SASH1: variants seen among roughly 807,000 people sequenced by gnomAD.
SASH1 encodes the protein SAM and SH3 domain containing 1, also known as SAM and SH3 domain-containing protein 1.
A neutral mutation model predicts 125.2 loss-of-function variants in SASH1; 44 were observed. The observed-to-expected ratio is 0.35, with a 90% CI of 0.28 to 0.45. SASH1 has a LOEUF of 0.45. SASH1 is among the 20% of genes least tolerant of loss of function. The pLI is 1.00. For missense variants in SASH1, 1,426 were observed against 1,614.5 expected, an observed-to-expected ratio of 0.88 and a Z score of 2.00; for synonymous variants, 639 against 649.1, an observed-to-expected ratio of 0.98 and a Z score of 0.24.
chr6:148,255,100 C>A, the SASH1 span, among the ~76,000 whole-genome samples: 1 of 152,120 alleles, frequency 6.6e-6, no homozygotes, highest in Non-Finnish European at 1.5e-5. Context: ...TGAAAGACGC[C>A]AGACACAAAG....
At chr6:148,516,490 GCCCCCTCCCCCCTC>G (rs11279804) in intron 9 of SASH1, among the ~76,000 whole-genome samples, 2 of 114,272 alleles carry the variant, frequency 1.8e-5, no homozygotes, top group Non-Finnish European at 3.9e-5. Context: ...GCCAGTAGGC[GCCCCCTCCCCCCTC>G]CCCCCTCCCC....
At position 148,390,207 on chromosome 6, in the gene SASH1, T is replaced by C. The variant is rs1248647731; in HGVS notation, c.230T>C (p.Val77Ala). ...TATTACAACACCTGTTTCTCCGACG[T>C]GTGCGAGAGGATGGAGGAGCTGCGG... ...ADYYNTCFSDVCERMEELRKR... is the reference protein window; with the variant it reads ...ADYYNTCFSDACERMEELRKR... Residue 77 changes from valine to alanine, a missense_variant, in exon 2 of 20, where the codon GTG becomes GCG. This residue lies in a region of SASH1 where 567 missense variants were observed against 575.6 expected (regional missense o/e 0.99). Transcript: ENST00000367467. 2 of 1,613,186 alleles carry C rather than the reference T, an allele frequency of 1.2e-6. No individual in the cohort carries two copies. Among genetic ancestry groups the C allele is most frequent in the East Asian group, 2.2e-5 (1 of 44,868 alleles).
chr6:148,492,618 G>C (rs931136857), intron 8 of SASH1, among the ~76,000 whole-genome samples: 33 of 152,184 alleles, frequency 2.2e-4, no homozygotes, highest in African/African-American at 7.9e-4. Flanking sequence ...AGGAGTTCAA[G>C]ACCATCCAGG....
chr6:148,493,868 G>A (rs73015010), intron 8 of SASH1, among the ~76,000 whole-genome samples: 3,567 of 152,278 alleles, frequency 0.023, 51 homozygotes, highest in Middle Eastern at 0.037. Flanking sequence ...AGCTTAGCTC[G>A]ATTTCTTATT....
chr6:148,537,798 G>GTA (rs1781946283), intron 16 of SASH1, among the ~76,000 whole-genome samples: 1 of 119,854 alleles, frequency 8.3e-6, no homozygotes, highest in African/African-American at 3.5e-5. Context: ...GTGTGTGTGT[G>GTA]TGTGTGTGTG....
At chr6:148,304,963 G>A (rs1200395313) in intron 1 of SASH1, among the ~76,000 whole-genome samples, 4 of 150,990 alleles carry the variant, frequency 2.6e-5, no homozygotes, top group African/African-American at 9.7e-5. Flanking sequence ...CCCAGGAGGT[G>A]GAGGTTGCAG....
At chr6:148,379,325 G>A (rs953627253) in intron 1 of SASH1, among the ~76,000 whole-genome samples, 5 of 152,140 alleles carry the variant, frequency 3.3e-5, no homozygotes, top group Admixed American at 1.3e-4. Context: ...TGGACTCAGA[G>A]GAATTACATT....
the SASH1 span, among the ~76,000 whole-genome samples, chr6:148,212,083 A>T: frequency 1.3e-5 from 2 of 152,270 alleles, no homozygotes; most frequent in South Asian, 4.2e-4. Flanking sequence ...AGACACTTTG[A>T]TAGCTCCCCG....
At chr6:148,375,208 T>C (rs2114761956) in intron 1 of SASH1, among the ~76,000 whole-genome samples, 1 of 147,968 alleles carries the variant, frequency 6.8e-6, no homozygotes, top group African/African-American at 2.5e-5. Context: ...CCCAGGCTGG[T>C]CTCGAACTCC....
intron 2 of SASH1, among the ~76,000 whole-genome samples, chr6:148,436,289 G>C (rs372398975): frequency 6.6e-6 from 1 of 152,050 alleles, no homozygotes; most frequent in Non-Finnish European, 1.5e-5. Context: ...CCAGGAGTTC[G>C]AGACCAGCCT....
At chr6:148,502,545 G>C (rs767536840) in intron 8 of SASH1, among the ~76,000 whole-genome samples, 5 of 152,200 alleles carry the variant, frequency 3.3e-5, no homozygotes, top group Non-Finnish European at 7.3e-5. Context: ...TCAGTGCAGT[G>C]CCCCTGAGGT....
At chr6:148,399,618 A>C (rs1784095985) in intron 2 of SASH1, among the ~76,000 whole-genome samples, 1 of 152,212 alleles carries the variant, frequency 6.6e-6, no homozygotes, top group African/African-American at 2.4e-5. Context: ...ATACTACTTC[A>C]ATACTAGTAC....
chr6:148,398,712 A>G (rs556514900), intron 2 of SASH1, among the ~76,000 whole-genome samples: 1 of 152,100 alleles, frequency 6.6e-6, no homozygotes, highest in African/African-American at 2.4e-5. Flanking sequence ...CTTCACTTAC[A>G]TTATTTGCTA....
At position 148,319,022 on chromosome 6, in the gene SASH1, CTTTTTTTTTTTTTTTT is replaced by C. The variant is rs10695657; in HGVS notation, n.74+46658_74+46673del. 3.0e-5 allele frequency among the ~76,000 whole-genome samples: 2 copies of C among 66,648 alleles called. 1 individual carries two copies. The highest frequency in any genetic ancestry group is 1.2e-4 in the African/African-American group (2 of 16,526). The allele number at this position is 66,648 out of a possible 152,430, so 43.7% of individuals were successfully genotyped here. On this transcript the variant is annotated intron_variant and non_coding_transcript_variant, in intron 1 of 3. Coordinates refer to the SASH1 transcript ENST00000367469. ...ATATGGAAGAAGCCGCATTTATCTT[CTTTTTTTTTTTTTTTT>C]TTTTTTTTTTTTGAGACGGAGTCTG...
intron 4 of SASH1, among the ~76,000 whole-genome samples, chr6:148,466,001 T>G (rs12210132): frequency 0.093 from 14,106 of 152,252 alleles, 789 homozygotes; most frequent in South Asian, 0.15. Flanking sequence ...ACCTTACTTG[T>G]GCGTTGTTCA....
the SASH1 span, among the ~76,000 whole-genome samples, chr6:148,263,373 T>C: frequency 6.6e-6 from 1 of 152,190 alleles, no homozygotes; most frequent in Non-Finnish European, 1.5e-5. Context: ...TAGAACAGCA[T>C]TTTGATACAA....
chr6:148,266,425 C>T, the SASH1 span, among the ~76,000 whole-genome samples: 80 of 152,276 alleles, frequency 5.3e-4, no homozygotes, highest in South Asian at 1.5e-3. Context: ...CAGTTTCCTA[C>T]GCTATAAAAT....
chr6:148,474,910 A>G (rs968329598), intron 7 of SASH1, among the ~76,000 whole-genome samples: 1 of 152,210 alleles, frequency 6.6e-6, no homozygotes, highest in Admixed American at 6.5e-5. Flanking sequence ...CACAAACTGA[A>G]TTTTGAATAA....
At chr6:148,300,210 A>C (rs193021407) in intron 1 of SASH1, among the ~76,000 whole-genome samples, 9 of 152,318 alleles carry the variant, frequency 5.9e-5, no homozygotes, top group Middle Eastern at 3.4e-3. Context: ...GATCAGATTC[A>C]CAAGATGATT....
Sources: gnomAD v4.1 joint callset for allele counts (sites outside exome capture counted in the v4.1 genomes callset) on GRCh38, gnomAD v4.1.1 for gene constraint, gnomAD v4.1.1 regional missense constraint, MANE v1.5 for transcripts, NCBI Gene and HGNC (gene_info 2026-07-23, HGNC 2026-07-21) for gene names.